UGT1A6: variants seen among roughly 807,000 people sequenced by gnomAD.
The protein encoded by UGT1A6 is UDP-glucuronosyltransferase 1A6.
In UGT1A6, 32 loss-of-function variants were observed where a neutral mutation model predicts 44.4. The ratio of observed to expected loss-of-function variants is 0.72; its 90% CI spans 0.54 to 0.97. UGT1A6 has a LOEUF of 0.97. Among genes scored for constraint, UGT1A6 ranks in the 50% least tolerant of loss-of-function variants. UGT1A6 has a pLI of 0.00. For missense variants in UGT1A6, 685 were observed against 661.9 expected (o/e 1.03, Z -0.38); for synonymous variants, 238 against 248.5 (o/e 0.96, Z 0.40).
chr2:233,755,487 G>GT (rs1198715478), intron 1 of UGT1A6: 2 of 206,234 alleles, frequency 9.7e-6, no homozygotes. Flanking sequence ...GTGAGGCCCT[G>GT]TGATGCTCCA....
chr2:233,730,008 C>A (rs1346345319), intron 1 of UGT1A6: 25 of 1,613,892 alleles, frequency 1.5e-5, no homozygotes, highest in Non-Finnish European at 2.1e-5. Context: ...GTATTGGTGC[C>A]TTCATCCAAT....
chr2:233,700,047 C>T (rs1486704694), intron 1 of UGT1A6, among the ~76,000 whole-genome samples: 1 of 152,140 alleles, frequency 6.6e-6, no homozygotes, highest in East Asian at 1.9e-4. Flanking sequence ...AAATCAATTC[C>T]AAGTGAATCC....
chr2:233,727,725 C>CT (rs2077642996), intron 1 of UGT1A6, among the ~76,000 whole-genome samples: 1 of 152,230 alleles, frequency 6.6e-6, no homozygotes, highest in South Asian at 2.1e-4. Context: ...GCAGACCTTC[C>CT]TTTTCTGTGC....
chr2:233,757,568 A>ATATATATATATATATATATATG, intron 1 of UGT1A6, among the ~76,000 whole-genome samples: 1 of 142,136 alleles, frequency 7.0e-6, no homozygotes, highest in Non-Finnish European at 1.5e-5. Context: ...ATATGTATAT[A>ATATATATATATATATATATATG]TGATATAGCT....
At chr2:233,755,096 G>T (rs62191920) in intron 1 of UGT1A6, 3 of 1,334,468 alleles carry the variant, frequency 2.2e-6, no homozygotes, top group Non-Finnish European at 3.0e-6. Context: ...GTTTCTACGC[G>T]TCCGACAACA....
At chr2:233,721,970 T>C (rs996384194) in intron 1 of UGT1A6, 2 of 281,884 alleles carry the variant, frequency 7.1e-6, no homozygotes, top group African/African-American at 4.4e-5. Context: ...CATACATTGA[T>C]GGCCTGGGTA....
intron 1 of UGT1A6, chr2:233,747,471 G>A (rs1218539477): frequency 1.9e-5 from 31 of 1,608,712 alleles, no homozygotes; most frequent in Non-Finnish European, 2.4e-5. Context: ...ATGGACCCAG[G>A]ATGAATTTGA....
intron 1 of UGT1A6, among the ~76,000 whole-genome samples, chr2:233,697,092 C>G (rs1373676838): frequency 6.6e-6 from 1 of 151,956 alleles, no homozygotes; most frequent in Non-Finnish European, 1.5e-5. Flanking sequence ...ACTGGTCTCA[C>G]AGGATGAGTT....
chr2:233,713,233 C>G, intron 1 of UGT1A6: 1 of 1,614,226 alleles, frequency 6.2e-7, no homozygotes, highest in Non-Finnish European at 8.5e-7. Context: ...ACAACGTATG[C>G]CATTTCATGG....
chr2:233,722,845 CTT>C (rs61550889), intron 1 of UGT1A6, among the ~76,000 whole-genome samples: 22 of 135,308 alleles, frequency 1.6e-4, no homozygotes, highest in African/African-American at 3.8e-4. Flanking sequence ...AAGAATGTTT[CTT>C]TTTTTTTTTT....
At chr2:233,705,266 T>G (rs778471512) in intron 1 of UGT1A6, among the ~76,000 whole-genome samples, 1 of 152,250 alleles carries the variant, frequency 6.6e-6, no homozygotes, top group African/African-American at 2.4e-5. Flanking sequence ...ATGGGGTCAC[T>G]TGCTTTCAAC....
chr2:233,717,234 A>G (rs2076558835), intron 1 of UGT1A6, among the ~76,000 whole-genome samples: 1 of 152,176 alleles, frequency 6.6e-6, no homozygotes, highest in Admixed American at 6.5e-5. Flanking sequence ...GGTTCTTAAG[A>G]TGCAGACAGT....
At chr2:233,744,020 A>G (rs772396813) in intron 1 of UGT1A6, 334 of 991,812 alleles carry the variant, frequency 3.4e-4, no homozygotes, top group East Asian at 3.5e-4. Context: ...CCGCCTGGAG[A>G]GACGCCCCTT....
At chr2:233,752,930 C>G (rs1695091959) in intron 1 of UGT1A6, among the ~76,000 whole-genome samples, 1 of 152,236 alleles carries the variant, frequency 6.6e-6, no homozygotes, top group South Asian at 2.1e-4. Context: ...TGGTATGCCA[C>G]TCTTTGCTGA....
At position 233,760,448 on chromosome 2, in the gene UGT1A6, G is replaced by T. The variant is rs770426284; in HGVS notation, c.862-6586G>T. On this transcript the variant is annotated intron_variant, in intron 1 of 4. Coordinates refer to ENST00000305139, the MANE Select transcript of UGT1A6 (RefSeq NM_001072.4). ...GCCATCCAGCAGCTGCAGCAGAGGGGACATGAAATAGTTGTCCTAGCACCT... is the reference window on the plus strand; with the variant it reads ...GCCATCCAGCAGCTGCAGCAGAGGGTACATGAAATAGTTGTCCTAGCACCT... The T allele has an allele frequency of 1.2e-5, 19 of 1,614,238 alleles. No individual in the cohort carries two copies. In the Middle Eastern group the frequency reaches 1.3e-3, roughly 112 times the overall value.
chr2:233,747,363 C>T, intron 1 of UGT1A6: 9 of 1,603,782 alleles, frequency 5.6e-6, no homozygotes, highest in South Asian at 1.1e-5. Context: ...CGTGCGGGAG[C>T]TCCATGCCAG....
intron 1 of UGT1A6, chr2:233,755,525 C>T (rs1695949883): frequency 6.3e-6 from 1 of 159,908 alleles, no homozygotes; most frequent in South Asian, 1.8e-4. Flanking sequence ...CTCCGGCCTC[C>T]AACCAGCCAT....
chr2:233,714,048 G>C (rs2076362692), intron 1 of UGT1A6, among the ~76,000 whole-genome samples: 1 of 152,154 alleles, frequency 6.6e-6, no homozygotes, highest in Non-Finnish European at 1.5e-5. Flanking sequence ...GGTTTCAATG[G>C]CCACTGAGAG....
intron 1 of UGT1A6, among the ~76,000 whole-genome samples, chr2:233,739,663 T>C (rs1172475020): frequency 6.6e-6 from 1 of 152,246 alleles, no homozygotes; most frequent in Non-Finnish European, 1.5e-5. Context: ...ACCCCCATTG[T>C]GTCTTGGAAG....
Sources: allele counts gnomAD v4.1 joint callset (sites outside exome capture counted in the v4.1 genomes callset), GRCh38; gene constraint gnomAD v4.1.1; transcripts MANE v1.5; gene names NCBI Gene and HGNC (gene_info 2026-07-23, HGNC 2026-07-21).